CBX8: variants seen among roughly 807,000 people sequenced by gnomAD.
CBX8 encodes the protein chromobox 8, also known as chromobox protein homolog 8.
In CBX8, 8 loss-of-function variants were observed where a neutral mutation model predicts 39.7. The ratio of observed to expected loss-of-function variants is 0.20; its 90% CI spans 0.12 to 0.36. The LOEUF is 0.36. Ranked by LOEUF, CBX8 falls within the 10% of genes least tolerant of loss-of-function variation. The pLI, the probability that CBX8 is intolerant of heterozygous loss-of-function variation, is 1.00. For missense variants in CBX8, 505 were observed against 529.6 expected (o/e 0.95, Z 0.46); for synonymous variants, 268 against 219.8 (o/e 1.22, Z -1.94).
In CBX8 at chr17:79,793,581, T is replaced by C. The variant is rs1907956481; in HGVS notation, c.*1054A>G. The C allele has an allele frequency of 6.6e-6, 1 of 152,278 alleles. No individual in the cohort carries two copies. The highest frequency in any genetic ancestry group is 2.4e-5 in the African/African-American group (1 of 41,464). 9.4% of individuals were successfully genotyped at this position (152,278 alleles called of 1,614,324 possible). A position where few individuals can be genotyped will look rare whatever the true frequency, so the allele number is the denominator to read the frequency against. On this transcript the variant is annotated 3_prime_UTR_variant, in exon 5 of 5. Transcript: ENST00000269385. ...CGCAGGGTGGGCCTGTCTGGCCATGTGTCCACCACAGAGCTGGCGGCCCGC... is the reference window on the plus strand; with the variant it reads ...CGCAGGGTGGGCCTGTCTGGCCATGCGTCCACCACAGAGCTGGCGGCCCGC...
rs764165202 is a variant in CBX8 at position 79,796,986 on chromosome 17, C to G, written c.13G>C (p.Ala5Pro). Residue 5 changes from alanine to proline, a missense_variant, in exon 1 of 5, where the codon GCG becomes CCG. Ala to Pro is a conservative substitution (Grantham distance 27, BLOSUM62 -1). Transcript: ENST00000269385. MELS[A>P]VGERVFAAEA... ...GCCGCGAACACCCGCTCCCCCACCG[C>G]TGAAAGCTCCATGTTGACTCGCCGC... 6.2e-7 allele frequency: 1 copy of G among 1,610,842 alleles called. No homozygotes were observed. Among genetic ancestry groups the G allele is most frequent in the Non-Finnish European group, 8.5e-7 (1 of 1,178,972 alleles).
rs1217604191 is a variant in CBX8 at position 79,792,174 on chromosome 17, T to C, written c.*2461A>G. Reference sequence around the variant, plus strand: ...TATTTAAACACGTAAAAAGCGGTATTGGATACAGACATTCACGACCGCAGA... The same window carrying C: ...TATTTAAACACGTAAAAAGCGGTATCGGATACAGACATTCACGACCGCAGA... On this transcript the variant is annotated 3_prime_UTR_variant, in exon 5 of 5. Transcript: ENST00000269385. 6.6e-6 allele frequency: 1 copy of C among 152,226 alleles called. No homozygotes were observed. Among genetic ancestry groups the C allele is most frequent in the African/African-American group, 2.4e-5 (1 of 41,452 alleles). 9.4% of individuals were successfully genotyped at this position (152,226 alleles called of 1,614,324 possible).
chr17:79,795,351 G>C lies in CBX8; in HGVS notation c.454C>G (p.Arg152Gly), dbSNP rs1367847432. The C allele has an allele frequency of 2.5e-6, 4 of 1,589,212 alleles. No individual in the cohort carries two copies. In the African/African-American group the frequency reaches 4.0e-5, roughly 16 times the overall value. Residue 152 changes from arginine to glycine, a missense_variant, in exon 5 of 5, where the codon CGA becomes GGA. Arg to Gly is a moderately radical substitution (Grantham distance 125). Coordinates refer to ENST00000269385, the MANE Select transcript of CBX8 (RefSeq NM_020649.3). The surrounding 1 kb of genome is among the most constrained non-coding windows in gnomAD (Gnocchi z 5.8). Reference protein sequence around the residue: ...CRAEAPRDRDRDRDRDRERDR... With the variant: ...CRAEAPRDRDGDRDRDRERDR... The stretch of plus-strand genomic sequence containing the variant: ...CGCTCCCGGTCCCTATCCCGGTCTC[G>C]GTCCCGGTCCCGAGGGGCCTCTGCG...
rs145608074 is a variant in CBX8, at chr17:79,795,096, C to T, written c.709G>A (p.Gly237Arg). The change falls in exon 5 of 5, where the codon GGG becomes AGG. Residue 237 changes from glycine to arginine, a missense_variant. Coordinates refer to ENST00000269385, the MANE Select transcript of CBX8 (RefSeq NM_020649.3). The surrounding 1 kb of genome is among the most constrained non-coding windows in gnomAD (Gnocchi z 5.8). ...TGGCCGGCTGGAAACTTTCCTGCCCCGGAAGGGGTGTCGTCCAGCTTCCTG... is the reference window on the plus strand; with the variant it reads ...TGGCCGGCTGGAAACTTTCCTGCCCTGGAAGGGGTGTCGTCCAGCTTCCTG... ...KGRKLDDTPS[G>R]AGKFPAGHSV... The T allele has an allele frequency of 5.6e-5, 91 of 1,611,586 alleles. No homozygotes were observed. Among genetic ancestry groups the T allele is most frequent in the Non-Finnish European group, 6.5e-5 (77 of 1,179,084 alleles).
Position 79,795,059 on chromosome 17 carries a change from T to A in CBX8, c.746A>T (p.Gln249Leu). 6.2e-7 allele frequency: 1 copy of A among 1,608,212 alleles called. No homozygotes were observed. Among genetic ancestry groups the A allele is most frequent in the Non-Finnish European group, 8.5e-7 (1 of 1,177,216 alleles). Residue 249 changes from glutamine to leucine, a missense_variant, in exon 5 of 5, where the codon CAG becomes CTG. Around this residue, in one of 3 missense-constraint regions of CBX8, gnomAD observed 456 missense variants for 389.2 expected, o/e 1.17. Transcript: ENST00000269385. This position sits in a 1 kb window ranked among gnomAD's most constrained non-coding sequence, Gnocchi z 5.8. ...GKFPAGHSVI[Q>L]LARRQDSDLV... ...GTCCGAGTCCTGTCTTCGGGCCAGCTGGATCACACTGTGGCCGGCTGGAAA... is the reference window on the plus strand; with the variant it reads ...GTCCGAGTCCTGTCTTCGGGCCAGCAGGATCACACTGTGGCCGGCTGGAAA...
chr17:79,794,952 T>C lies in CBX8; in HGVS notation c.853A>G (p.Ile285Val). ...LAVDTFPARV[I>V]KHRAAFLEAK... ...TCCAGGAAGGCAGCCCTGTGCTTTA[T>C]CACCCTGGCCGGGAAGGTGTCCACA... Residue 285 changes from isoleucine (I) to valine (V), a missense_variant, in exon 5 of 5, where the codon ATA (isoleucine) becomes GTA (valine). Ile to Val is a conservative substitution (Grantham distance 29). This residue lies in a region of CBX8 where 456 missense variants were observed against 389.2 expected (regional missense o/e 1.17). Coordinates refer to ENST00000269385, the MANE Select transcript of CBX8 (RefSeq NM_020649.3). The C allele has an allele frequency of 1.2e-6, 2 of 1,605,964 alleles. No homozygotes were observed. Among genetic ancestry groups the C allele is most frequent in the East Asian group, 2.2e-5 (1 of 44,506 alleles).
rs1907978645 is a variant in CBX8, at chr17:79,794,117, C to G, written c.*518G>C. On this transcript the variant is annotated 3_prime_UTR_variant, in exon 5 of 5. Coordinates refer to ENST00000269385, the MANE Select transcript of CBX8 (RefSeq NM_020649.3). Reference sequence around the variant, plus strand: ...CCTTTTTTCTGATTGGGGAGCCAACCTTTTGTTGGCCTGCCTGGCCAATGG... The same window carrying G: ...CCTTTTTTCTGATTGGGGAGCCAACGTTTTGTTGGCCTGCCTGGCCAATGG... 6.6e-6 allele frequency: 1 copy of G among 151,702 alleles called. No homozygotes were observed. The highest frequency in any genetic ancestry group is 2.1e-4 in the South Asian group (1 of 4,816). 9.4% of individuals were successfully genotyped at this position (151,702 alleles called of 1,614,324 possible). A position where few individuals can be genotyped will look rare whatever the true frequency, so the allele number is the denominator to read the frequency against.
At position 79,795,887 on chromosome 17, in the gene CBX8, A is replaced by G. The variant is rs1568508195; in HGVS notation, c.246+170T>C. On this transcript the variant is annotated intron_variant, in intron 4 of 4. Transcript: ENST00000269385. This position sits in a 1 kb window ranked among gnomAD's most constrained non-coding sequence, Gnocchi z 5.8. ...CTAGTGTGGCCAAGCCCGTCCCCCCAGACACAGTTGGTGCTGCTACTGACT... is the reference window on the plus strand; with the variant it reads ...CTAGTGTGGCCAAGCCCGTCCCCCCGGACACAGTTGGTGCTGCTACTGACT... 6.6e-6 allele frequency among the ~76,000 whole-genome samples: 1 copy of G among 152,184 alleles called. No homozygotes were observed. The highest frequency in any genetic ancestry group is 1.5e-5 in the Non-Finnish European group (1 of 68,026).
rs1370347959 is a variant in CBX8 at position 79,794,352 on chromosome 17, G to GTC, written c.*281_*282dup. 5.7e-6 allele frequency: 1 copy of GTC among 174,258 alleles called. No individual in the cohort carries two copies. Among genetic ancestry groups the GTC allele is most frequent in the Non-Finnish European group, 1.2e-5 (1 of 81,972 alleles). 10.8% of individuals were successfully genotyped at this position (174,258 alleles called of 1,614,324 possible). A position where few individuals can be genotyped will look rare whatever the true frequency, so the allele number is the denominator to read the frequency against. ...CTGCCCCAACTAAAGCACAATGAGAGTCTCTCTCCTTTAAATAAAACAACT... is the reference window on the plus strand; with the variant it reads ...CTGCCCCAACTAAAGCACAATGAGAGTCTCTCTCTCCTTTAAATAAAACAACT... On this transcript the variant is annotated 3_prime_UTR_variant, in exon 5 of 5. Transcript: ENST00000269385.
chr17:79,796,878 C>T, intron 1 of CBX8, 52 bp downstream of exon 1: 3 of 1,525,654 alleles, frequency 2.0e-6, no homozygotes, highest in Non-Finnish European at 1.8e-6. Flanking sequence ...GGAACCCGGG[C>T]CGGGAGGGGA....
At position 79,796,040 on chromosome 17, in the gene CBX8, GGA is replaced by G; in HGVS notation, c.246+15_246+16del. The G allele has an allele frequency of 6.2e-7, 1 of 1,612,698 alleles. No individual in the cohort carries two copies. ...CTCCATAACATGGTCCTCCACCATT[GGA>G]CACTGCCAACCTACTTTGAGGAGGA... On this transcript the variant is annotated intron_variant, in intron 4 of 4. Transcript: ENST00000269385.
rs779579608 is a variant in CBX8, at chr17:79,794,720, A to T, written c.1085T>A (p.Val362Glu). The change falls in exon 5 of 5, where the codon GTG becomes GAG. Residue 362 changes from valine (V) to glutamate (E), a missense_variant. By Grantham distance (121) the Val-to-Glu change is moderately radical (BLOSUM62 -2). Transcript: ENST00000269385. ...AAAGTTTGAGGTCACGTCCGTGACC[A>T]CCACCTTCTCCAGGTTAGTCAGGGA... ...SPSLTNLEKV[V>E]VTDVTSNFLT... The T allele has an allele frequency of 6.2e-7, 1 of 1,612,126 alleles. No homozygotes were observed. The highest frequency in any genetic ancestry group is 2.2e-5 in the East Asian group (1 of 44,860).
chr17:79,794,778 G>A lies in CBX8; in HGVS notation c.1027C>T (p.Leu343=). Residue 343 remains leucine (L), a synonymous_variant, in exon 5 of 5, where the codon CTG becomes TTG. Transcript: ENST00000269385. ...CAGGACTCTTCCTCCGGGTCCCCCA[G>A]GATTCTGGCCACAGGGATCCTGGCG... is the stretch of plus-strand genomic sequence containing the variant. ...LIARIPVARI[L]GDPEEESWSP... 3.1e-6 allele frequency: 5 copies of A among 1,613,396 alleles called. No homozygotes were observed. Among genetic ancestry groups the A allele is most frequent in the Non-Finnish European group, 4.2e-6 (5 of 1,179,472 alleles).
At position 79,795,684 on chromosome 17, in the gene CBX8, A is replaced by ATGGGTGGG. The variant is rs57326705; in HGVS notation, c.247-134_247-127dup. ...TGGGAATTTCTACATGGATGCATGG[A>ATGGGTGGG]TGGGTGGGTGGGTGGGTGGGTGGAT... is the stretch of plus-strand genomic sequence containing the variant. On this transcript the variant is annotated intron_variant, in intron 4 of 4. Transcript: ENST00000269385. The surrounding 1 kb of genome is among the most constrained non-coding windows in gnomAD (Gnocchi z 5.8). 11 of 11,466 alleles carry ATGGGTGGG rather than the reference A, an allele frequency of 9.6e-4. No homozygotes were observed. The highest frequency in any genetic ancestry group is 4.4e-3 in the African/African-American group (10 of 2,284). 0.7% of individuals were successfully genotyped at this position (11,466 alleles called of 1,614,324 possible). A position where few individuals can be genotyped will look rare whatever the true frequency, so the allele number is the denominator to read the frequency against.
rs779967756 is a variant in CBX8, at chr17:79,795,222, T to A, written c.583A>T (p.Ser195Cys). 2 of 1,613,136 alleles carry A rather than the reference T, an allele frequency of 1.2e-6. No individual in the cohort carries two copies. The highest frequency in any genetic ancestry group is 1.3e-5 in the African/African-American group (1 of 75,062). Residue 195 changes from serine to cysteine, a missense_variant, in exon 5 of 5, where the codon AGC (serine) becomes TGC (cysteine). Ser to Cys is a moderately radical substitution (Grantham distance 112, BLOSUM62 -1). Transcript: ENST00000269385. This position sits in a 1 kb window ranked among gnomAD's most constrained non-coding sequence, Gnocchi z 5.8. ...VDDKPSSPGD[S>C]SKKRGPKPRK... ...GGCTTGGGGCCTCGCTTCTTCGAGC[T>A]GTCCCCCGGTGAGCTGGGCTTGTCA...
At chr17:79,796,208 C>CTT (rs1284586520) in intron 3 of CBX8, 42 bp downstream of exon 3, 8 of 1,613,440 alleles carry the variant, frequency 5.0e-6, no homozygotes, top group Non-Finnish European at 6.8e-6. Context: ...AGCCACTCTA[C>CTT]TTGTTTCTAA....
chr17:79,795,850 C>A lies in CBX8; in HGVS notation c.246+207G>T, dbSNP rs536121781. ...TATTGTGTCCATTTGGGAGGGGGAG[C>A]GTAAAGGAATTCTAGTGTGGCCAAG... On this transcript the variant is annotated intron_variant, in intron 4 of 4. Transcript: ENST00000269385. This position sits in a 1 kb window ranked among gnomAD's most constrained non-coding sequence, Gnocchi z 5.8. 2.0e-5 allele frequency among the ~76,000 whole-genome samples: 3 copies of A among 152,116 alleles called. No individual in the cohort carries two copies. Among genetic ancestry groups the A allele is most frequent in the African/African-American group, 7.2e-5 (3 of 41,406 alleles).
chr17:79,796,325 A>C lies in CBX8; in HGVS notation c.114-10T>G. ...TTCCCATGTGCTGTACCTAAAGGGA[A>C]TCAGGAAGAAGTGGGCATCAGTCCC... On this transcript the variant is annotated splice_polypyrimidine_tract_variant and intron_variant, in intron 2 of 4. Coordinates refer to ENST00000269385, the MANE Select transcript of CBX8 (RefSeq NM_020649.3). The C allele has an allele frequency of 6.2e-7, 1 of 1,614,134 alleles. No homozygotes were observed. Among genetic ancestry groups the C allele is most frequent in the South Asian group, 1.1e-5 (1 of 91,080 alleles).
At position 79,796,054 on chromosome 17, in the gene CBX8, T is replaced by A; in HGVS notation, c.246+3A>T. On this transcript the variant is annotated splice_donor_region_variant and intron_variant, in intron 4 of 4. Transcript: ENST00000269385. Reference sequence around the variant, plus strand: ...CCTCCACCATTGGACACTGCCAACCTACTTTGAGGAGGAAGGTTTTGGGCT... The same window carrying A: ...CCTCCACCATTGGACACTGCCAACCAACTTTGAGGAGGAAGGTTTTGGGCT... The A allele has an allele frequency of 1.9e-6, 3 of 1,613,984 alleles. No homozygotes were observed. Among genetic ancestry groups the A allele is most frequent in the Non-Finnish European group, 2.5e-6 (3 of 1,179,890 alleles).
Sources: gnomAD v4.1 joint callset for allele counts (sites outside exome capture counted in the v4.1 genomes callset) on GRCh38, gnomAD v4.1.1 for gene constraint, gnomAD v4.1.1 regional missense constraint, Gnocchi (gnomAD v3.1) non-coding constraint, MANE v1.5 for transcripts, NCBI Gene and HGNC (gene_info 2026-07-23, HGNC 2026-07-21) for gene names.